Variants in FRMD4A observed in about 807,000 individuals in gnomAD.
The protein encoded by FRMD4A is FERM domain containing 4A, also known as FERM domain-containing protein 4A.
In FRMD4A, 29 loss-of-function variants were observed where a neutral mutation model predicts 129.1. The observed-to-expected ratio is 0.22, with a 90% CI of 0.17 to 0.31. FRMD4A has a LOEUF of 0.31. Among genes scored for constraint, FRMD4A ranks in the 10% least tolerant of loss-of-function variants. FRMD4A has a pLI of 1.00. For missense variants in FRMD4A, 1,272 were observed against 1,375.8 expected, an observed-to-expected ratio of 0.92 and a Z score of 1.19; for synonymous variants, 634 against 571.6, an observed-to-expected ratio of 1.11 and a Z score of -1.56.
At chr10:14,259,872 C>A (rs1407505483) in intron 2 of FRMD4A, among the ~76,000 whole-genome samples, 2 of 152,088 alleles carry the variant, frequency 1.3e-5, no homozygotes, top group African/African-American at 2.4e-5. Flanking sequence ...TACATGGCTC[C>A]AGCTGTTTCT....
chr10:13,969,068 G>A (rs2095502460), intron 2 of FRMD4A, among the ~76,000 whole-genome samples: 1 of 152,198 alleles, frequency 6.6e-6, no homozygotes, highest in Non-Finnish European at 1.5e-5. Flanking sequence ...ACCATGGGTT[G>A]GTAATCTTGG....
intron 12 of FRMD4A, among the ~76,000 whole-genome samples, chr10:13,735,464 GC>G (rs1287574675): frequency 6.6e-6 from 1 of 152,152 alleles, no homozygotes; most frequent in African/African-American, 2.4e-5. Flanking sequence ...TTATCTTGAA[GC>G]CTGTTTTAGC....
chr10:14,030,464 G>A (rs1176293662), intron 2 of FRMD4A, among the ~76,000 whole-genome samples: 3 of 152,216 alleles, frequency 2.0e-5, no homozygotes, highest in African/African-American at 4.8e-5. Context: ...ATATGTGTAA[G>A]AGCAACTGAT....
At chr10:14,010,651 G>A (rs2095678529) in intron 2 of FRMD4A, among the ~76,000 whole-genome samples, 1 of 109,154 alleles carries the variant, frequency 9.2e-6, no homozygotes, top group South Asian at 3.4e-4. Context: ...AAAATTAATT[G>A]TCGAGTTTAG....
rs539301345 is a variant in FRMD4A at position 13,790,882 on chromosome 10, T to A, written c.299+5614A>T. On this transcript the variant is annotated intron_variant, in intron 5 of 24. Coordinates refer to ENST00000357447, the MANE Select transcript of FRMD4A (RefSeq NM_018027.5). ...CAGAGGACGTTTTCTTCAGTTAGAT[T>A]GGGACGTGGTCACAAAGGGGAGGAA... Among the ~76,000 whole-genome samples, 185 of 151,804 alleles carry A rather than the reference T, an allele frequency of 1.2e-3. 2 individuals carry two copies. The highest frequency in any genetic ancestry group is 5.1e-3 in the Admixed American group (77 of 15,224).
intron 2 of FRMD4A, among the ~76,000 whole-genome samples, chr10:14,029,614 G>A (rs1833141289): frequency 6.6e-6 from 1 of 152,142 alleles, no homozygotes; most frequent in Admixed American, 6.5e-5. Context: ...TCAGGTTTGG[G>A]CAGGTGATCA....
chr10:14,231,983 C>G (rs747970920), intron 2 of FRMD4A, among the ~76,000 whole-genome samples: 17 of 152,100 alleles, frequency 1.1e-4, no homozygotes, highest in Non-Finnish European at 2.1e-4. Context: ...CTTTTAGAGT[C>G]TTTGTCATGA....
intron 16 of FRMD4A, among the ~76,000 whole-genome samples, chr10:13,673,558 C>CAATGCACACATGTGCAT (rs2083695507): frequency 6.6e-6 from 1 of 151,910 alleles, no homozygotes; most frequent in Non-Finnish European, 1.5e-5. Context: ...CCCATGTGCA[C>CAATGCACACATGTGCAT]AATGCACACA....
intron 2 of FRMD4A, among the ~76,000 whole-genome samples, chr10:14,206,323 T>C (rs1246217776): frequency 6.6e-6 from 1 of 152,176 alleles, no homozygotes; most frequent in Non-Finnish European, 1.5e-5. Flanking sequence ...AAAAGAAGAA[T>C]CTACCACCTA....
chr10:13,682,485 TTTTC>T (rs200655416), intron 15 of FRMD4A, among the ~76,000 whole-genome samples: 2,030 of 138,052 alleles, frequency 0.015, 239 homozygotes, highest in Middle Eastern at 0.027. Flanking sequence ...ATCATTCCCA[TTTTC>T]TTTCTTTCTT....
intron 2 of FRMD4A, among the ~76,000 whole-genome samples, chr10:13,896,625 A>G (rs1461069525): frequency 6.6e-6 from 1 of 152,142 alleles, no homozygotes; most frequent in Non-Finnish European, 1.5e-5. Flanking sequence ...ACCATGGCAC[A>G]GTATACCTAT....
intron 2 of FRMD4A, among the ~76,000 whole-genome samples, chr10:14,214,449 C>T (rs1355042513): frequency 1.3e-5 from 2 of 152,248 alleles, no homozygotes; most frequent in Non-Finnish European, 2.9e-5. Flanking sequence ...CCTCAGTTTT[C>T]TCTCTGGAAA....
rs200611159 is a variant in FRMD4A at position 14,243,829 on chromosome 10, AT to A, written c.45+86228del. Among the ~76,000 whole-genome samples the A allele has an allele frequency of 3.8e-3, 309 of 81,644 alleles. 7 individuals are homozygous for A. The highest frequency in any genetic ancestry group is 7.8e-3 in the African/African-American group (192 of 24,476). The allele number at this position is 81,644 out of a possible 152,430, so 53.6% of individuals were successfully genotyped here. On this transcript the variant is annotated intron_variant, in intron 2 of 24. Transcript: ENST00000357447. ...ACTTTGTTATGTATATATTACCACA[AT>A]TAAAAAAAAAAAAAGGAGTAGTCAG...
chr10:14,039,644 G>C (rs1238154302), intron 2 of FRMD4A, among the ~76,000 whole-genome samples: 3 of 152,124 alleles, frequency 2.0e-5, no homozygotes, highest in Non-Finnish European at 4.4e-5. Flanking sequence ...ATGCATATCT[G>C]ATTTCTTCCT....
At chr10:13,929,171 C>T (rs2095167367) in intron 2 of FRMD4A, among the ~76,000 whole-genome samples, 1 of 152,216 alleles carries the variant, frequency 6.6e-6, no homozygotes, top group African/African-American at 2.4e-5. Context: ...TAAGCTGCCA[C>T]TTGACATATA....
At chr10:14,031,750 A>G (rs1169504054) in intron 2 of FRMD4A, among the ~76,000 whole-genome samples, 1 of 151,364 alleles carries the variant, frequency 6.6e-6, no homozygotes, top group Non-Finnish European at 1.5e-5. Context: ...CATGTTCTGC[A>G]CTTTGGACAA....
chr10:13,867,113 C>A (rs915760010), intron 2 of FRMD4A, among the ~76,000 whole-genome samples: 1 of 152,152 alleles, frequency 6.6e-6, no homozygotes, highest in African/African-American at 2.4e-5. Context: ...ACAATTTTAA[C>A]TTTAGTCCTC....
At chr10:13,699,224 G>GT (rs1168489802) in intron 14 of FRMD4A, among the ~76,000 whole-genome samples, 3,935 of 76,192 alleles carry the variant, frequency 0.052, 225 homozygotes, top group East Asian at 0.21. Context: ...CTTGGTTATT[G>GT]TTTTTTTTTT....
intron 22 of FRMD4A, 28 bp downstream of exon 22, chr10:13,656,608 C>G (rs1213426642): frequency 1.5e-6 from 2 of 1,371,724 alleles, no homozygotes; most frequent in Non-Finnish European, 1.9e-6. Flanking sequence ...TCAGGTCTTC[C>G]CGCGTGCACC....
Sources: gnomAD v4.1 joint callset for allele counts (sites outside exome capture counted in the v4.1 genomes callset) on GRCh38, gnomAD v4.1.1 for gene constraint, MANE v1.5 for transcripts, NCBI Gene and HGNC (gene_info 2026-07-23, HGNC 2026-07-21) for gene names.